Variants in ANKS1B observed in about 807,000 individuals in gnomAD.
The protein encoded by ANKS1B is ankyrin repeat and sterile alpha motif domain-containing protein 1B.
ANKS1B carries 36 observed loss-of-function variants against 148.3 expected under a neutral mutation model. That is an observed-to-expected ratio of 0.24 (90% CI 0.19 to 0.32). The LOEUF is 0.32. Among genes scored for constraint, ANKS1B ranks in the 10% least tolerant of loss-of-function variants. The pLI is 1.00. For synonymous variants in ANKS1B, 542 were observed against 560.8 expected (o/e 0.97, Z 0.47); for missense variants, 1,157 against 1,542.6 (o/e 0.75, Z 4.19).
At chr12:99,802,239 G>T (rs1405998006) in intron 4 of ANKS1B, among the ~76,000 whole-genome samples, 2 of 151,900 alleles carry the variant, frequency 1.3e-5, no homozygotes, top group African/African-American at 2.4e-5. Flanking sequence ...AGTCTAATTG[G>T]CTTAAGGTTG....
At chr12:99,378,675 A>T (rs2093503287) in intron 12 of ANKS1B, among the ~76,000 whole-genome samples, 1 of 150,130 alleles carries the variant, frequency 6.7e-6, no homozygotes, top group Non-Finnish European at 1.5e-5. Flanking sequence ...AAAAAAAAAG[A>T]AAAAGAAAAG....
chr12:99,912,200 G>T (rs2094026241), intron 1 of ANKS1B, among the ~76,000 whole-genome samples: 1 of 152,178 alleles, frequency 6.6e-6, no homozygotes, highest in Non-Finnish European at 1.5e-5. Flanking sequence ...GCAGTGTCTG[G>T]TAAAGACTCT....
intron 12 of ANKS1B, among the ~76,000 whole-genome samples, chr12:99,250,176 T>C (rs897710446): frequency 3.3e-5 from 5 of 152,080 alleles, no homozygotes; most frequent in Non-Finnish European, 7.4e-5. Flanking sequence ...AATGGCTAGT[T>C]TGAATAGTTT....
intron 9 of ANKS1B, among the ~76,000 whole-genome samples, chr12:99,622,572 A>G (rs560423191): frequency 6.6e-6 from 1 of 152,146 alleles, no homozygotes; most frequent in Admixed American, 6.5e-5. Flanking sequence ...TCCCACAGAA[A>G]TACAAAAGAT....
chr12:99,902,356 G>C (rs531051367), intron 1 of ANKS1B, among the ~76,000 whole-genome samples: 1 of 152,306 alleles, frequency 6.6e-6, no homozygotes, highest in African/African-American at 2.4e-5. Context: ...AGTGAGAAGG[G>C]GGTAAAATAA....
At chr12:99,708,004 ACT>A (rs1328458910) in intron 8 of ANKS1B, among the ~76,000 whole-genome samples, 1 of 151,938 alleles carries the variant, frequency 6.6e-6, no homozygotes, top group Non-Finnish European at 1.5e-5. Flanking sequence ...ACTTATCAAA[ACT>A]CTATAAGCAA....
Position 98,744,853 on chromosome 12 carries a change from C to A in ANKS1B, c.*886G>T. 1 of 985,196 alleles carries A rather than the reference C, an allele frequency of 1.0e-6. No homozygotes were observed. The allele number at this position is 985,196 out of a possible 1,614,324, so 61.0% of individuals were successfully genotyped here. A position where few individuals can be genotyped will look rare whatever the true frequency, so the allele number is the denominator to read the frequency against. Reference sequence around the variant, plus strand: ...TGTGAAGATTAAAAAACAATCTTGGCAGGCTGATGGCTGCGTCAGCACTTC... The same window carrying A: ...TGTGAAGATTAAAAAACAATCTTGGAAGGCTGATGGCTGCGTCAGCACTTC... On this transcript the variant is annotated 3_prime_UTR_variant, in exon 27 of 27. Transcript: ENST00000683438.
rs534394294 is a variant in ANKS1B, at chr12:99,454,438, G to A, written c.1439-10629C>T. ...CAGCTTCAAGCCAATAAGAACTTTGGTCTTATCTACACCAGAGAAGTTCTA... is the reference window on the plus strand; with the variant it reads ...CAGCTTCAAGCCAATAAGAACTTTGATCTTATCTACACCAGAGAAGTTCTA... On this transcript the variant is annotated intron_variant, in intron 10 of 26. Transcript: ENST00000683438. 2.0e-5 allele frequency among the ~76,000 whole-genome samples: 3 copies of A among 151,924 alleles called. No homozygotes were observed. In the East Asian group the frequency reaches 5.8e-4, roughly 29 times the overall value.
intron 1 of ANKS1B, among the ~76,000 whole-genome samples, chr12:99,979,273 A>G (rs1398623404): frequency 6.6e-6 from 1 of 152,168 alleles, no homozygotes; most frequent in Non-Finnish European, 1.5e-5. Flanking sequence ...ATACTTGTCC[A>G]GGAAAAATGC....
At chr12:99,168,817 GTCT>G (rs2077458061) in intron 14 of ANKS1B, among the ~76,000 whole-genome samples, 1 of 152,134 alleles carries the variant, frequency 6.6e-6, no homozygotes, top group South Asian at 2.1e-4. Context: ...CTTAATATCA[GTCT>G]TCTTGTGTAT....
At chr12:99,007,468 A>G (rs1406571598) in intron 17 of ANKS1B, among the ~76,000 whole-genome samples, 3 of 152,164 alleles carry the variant, frequency 2.0e-5, no homozygotes, top group Admixed American at 6.5e-5. Flanking sequence ...ACATATTTTT[A>G]TCTCTAGTCA....
intron 17 of ANKS1B, among the ~76,000 whole-genome samples, chr12:98,845,832 TTAAG>T (rs2099457200): frequency 6.6e-6 from 1 of 152,102 alleles, no homozygotes; most frequent in Non-Finnish European, 1.5e-5. Context: ...AGGTGGTGTG[TTAAG>T]TAACCTTAGT....
At chr12:99,667,872 C>G (rs190869613) in intron 8 of ANKS1B, among the ~76,000 whole-genome samples, 104 of 152,264 alleles carry the variant, frequency 6.8e-4, no homozygotes, top group African/African-American at 2.4e-3. Context: ...GTTAAAATAA[C>G]CTTGCCTTTC....
intron 1 of ANKS1B, among the ~76,000 whole-genome samples, chr12:99,958,813 T>C (rs1047703585): frequency 2.6e-5 from 4 of 152,178 alleles, no homozygotes; most frequent in Non-Finnish European, 5.9e-5. Flanking sequence ...ACGTCAGGCA[T>C]GGCTCTAGAG....
At chr12:98,795,113 T>C (rs550940489) in intron 22 of ANKS1B, 18 of 553,396 alleles carry the variant, frequency 3.3e-5, no homozygotes, top group Non-Finnish European at 5.1e-5. Flanking sequence ...TGCCATCTAA[T>C]GGCACTAGGC....
intron 9 of ANKS1B, among the ~76,000 whole-genome samples, chr12:99,595,255 A>T (rs536505622): frequency 2.0e-5 from 3 of 152,074 alleles, no homozygotes; most frequent in Admixed American, 2.0e-4. Flanking sequence ...CTAAACCTAT[A>T]ATGTTATGGT....
intron 14 of ANKS1B, among the ~76,000 whole-genome samples, chr12:99,182,976 T>A (rs547665756): frequency 6.6e-6 from 1 of 152,338 alleles, no homozygotes; most frequent in African/African-American, 2.4e-5. Context: ...GAAATGTCTA[T>A]TCAGATCTTT....
rs551151354 is a variant in ANKS1B at position 98,986,836 on chromosome 12, C to T, written c.2778+66321G>A. ...GCCTTGTTATGTTGCACAGACTGTTCTTGATCTCCTGGGCTCAAGTGATCC... is the reference window on the plus strand; with the variant it reads ...GCCTTGTTATGTTGCACAGACTGTTTTTGATCTCCTGGGCTCAAGTGATCC... On this transcript the variant is annotated intron_variant, in intron 17 of 26. Transcript: ENST00000683438. 9.2e-4 allele frequency among the ~76,000 whole-genome samples: 140 copies of T among 152,120 alleles called. 1 individual carries two copies. Among genetic ancestry groups the T allele is most frequent in the African/African-American group, 3.2e-3 (133 of 41,486 alleles).
chr12:98,896,585 C>T (rs532740649), intron 17 of ANKS1B, among the ~76,000 whole-genome samples: 6 of 152,242 alleles, frequency 3.9e-5, no homozygotes, highest in African/African-American at 9.6e-5. Flanking sequence ...TACCTGAAAC[C>T]GCCCTTTTAG....
Sources: gnomAD v4.1 joint callset for allele counts (sites outside exome capture counted in the v4.1 genomes callset) on GRCh38, gnomAD v4.1.1 for gene constraint, MANE v1.5 for transcripts, NCBI Gene and HGNC (gene_info 2026-07-23, HGNC 2026-07-21) for gene names.